Variants in ERCC6 observed in about 807,000 individuals in gnomAD.
The protein encoded by ERCC6 is DNA excision repair protein ERCC-6.
In ERCC6, 116 loss-of-function variants were observed where a neutral mutation model predicts 158.7. That is an observed-to-expected ratio of 0.73 (90% CI 0.63 to 0.85). ERCC6 has a LOEUF of 0.85. Among genes scored for constraint, ERCC6 ranks in the 40% least tolerant of loss-of-function variants. The pLI, the probability that ERCC6 is intolerant of heterozygous loss-of-function variation, is 0.00. For synonymous variants in ERCC6, 678 were observed against 659.3 expected, an observed-to-expected ratio of 1.03 and a Z score of -0.43; for missense variants, 1,698 against 1,799.4, an observed-to-expected ratio of 0.94 and a Z score of 1.02.
intron 5 of ERCC6, among the ~76,000 whole-genome samples, chr10:49,519,104 C>A (rs1837073752): frequency 6.6e-6 from 1 of 152,216 alleles, no homozygotes; most frequent in South Asian, 2.1e-4. Flanking sequence ...TCCAAATTCC[C>A]AGATTACAGG....
intron 7 of ERCC6, among the ~76,000 whole-genome samples, chr10:49,493,840 T>C (rs554764766): frequency 1.3e-5 from 2 of 152,306 alleles, no homozygotes; most frequent in East Asian, 3.9e-4. Context: ...TACACCACCC[T>C]GCCTGCTCCT....
At chr10:49,451,073 A>T (rs1490480000), downstream of ERCC6, among the ~76,000 whole-genome samples, 1 of 152,074 alleles carries the variant, frequency 6.6e-6, no homozygotes, top group East Asian at 1.9e-4. Context: ...GGCCTCCCAA[A>T]GTGCTGGGAT....
Position 49,482,671 on chromosome 10 carries a change from C to T in ERCC6, c.2169+16G>A, listed in dbSNP as rs375458461. 2.4e-5 allele frequency: 39 copies of T among 1,605,606 alleles called. No individual in the cohort carries two copies. Among genetic ancestry groups the T allele is most frequent in the Middle Eastern group, 3.3e-4 (2 of 6,058 alleles). ...AATATTAAAATGCCAAAAGTATTAT[C>T]ATCCTAATATTTTACCTGTACTGGG... is the stretch of plus-strand genomic sequence containing the variant. On this transcript the variant is annotated intron_variant, in intron 10 of 20. Coordinates refer to ENST00000355832, the MANE Select transcript of ERCC6 (RefSeq NM_000124.4).
chr10:49,436,881 A>T, the ERCC6 span, among the ~76,000 whole-genome samples: 1 of 152,242 alleles, frequency 6.6e-6, no homozygotes, highest in African/African-American at 2.4e-5. Flanking sequence ...CAGGTAAGAG[A>T]GAATAGATAA....
rs1053052627 is a variant in ERCC6 at position 49,457,518 on chromosome 10, T to C, written c.*1297A>G. The stretch of plus-strand genomic sequence containing the variant: ...CCAGAACCCTCCTCTCTGAGTCACA[T>C]GGATGAGCAGACAGAAGATCTGGAC... On this transcript the variant is annotated 3_prime_UTR_variant, in exon 21 of 21. Coordinates refer to ENST00000355832, the MANE Select transcript of ERCC6 (RefSeq NM_000124.4). 4 of 152,136 alleles carry C rather than the reference T, an allele frequency of 2.6e-5. No homozygotes were observed. The highest frequency in any genetic ancestry group is 5.9e-5 in the Non-Finnish European group (4 of 68,040). 9.4% of individuals were successfully genotyped at this position (152,136 alleles called of 1,614,324 possible). A position where few individuals can be genotyped will look rare whatever the true frequency, so the allele number is the denominator to read the frequency against.
At chr10:49,517,017 G>A in intron 5 of ERCC6, 3 of 1,613,938 alleles carry the variant, frequency 1.9e-6, no homozygotes, top group Non-Finnish European at 2.5e-6. Context: ...AGGTGCTGTA[G>A]CATTTTCAGG....
chr10:49,521,738 C>T (rs59898389), intron 5 of ERCC6, among the ~76,000 whole-genome samples: 28,619 of 152,098 alleles, frequency 0.19, 3,158 homozygotes, highest in South Asian at 0.35. Context: ...GGGGAATACA[C>T]GGTTTGAAAA....
chr10:49,515,670 C>T, intron 5 of ERCC6: 1 of 1,614,104 alleles, frequency 6.2e-7, no homozygotes, highest in Non-Finnish European at 8.5e-7. Context: ...GCTTGAATAC[C>T]ATTTCTTTCC....
intron 5 of ERCC6, among the ~76,000 whole-genome samples, chr10:49,513,109 G>A (rs1393367755): frequency 6.6e-6 from 1 of 152,124 alleles, no homozygotes; most frequent in African/African-American, 2.4e-5. Flanking sequence ...CTTACGGAGT[G>A]CCTGATGTAT....
chr10:49,506,770 A>T (rs2132583372), intron 5 of ERCC6, among the ~76,000 whole-genome samples: 1 of 152,166 alleles, frequency 6.6e-6, no homozygotes, highest in East Asian at 1.9e-4. Context: ...CTAATTTTGC[A>T]TTTACATAAC....
At chr10:49,483,258 A>G in intron 9 of ERCC6, 88 bp downstream of exon 9, 2 of 1,351,906 alleles carry the variant, frequency 1.5e-6, no homozygotes, top group South Asian at 1.2e-5. Flanking sequence ...GGAAAGATTC[A>G]ATAAATGTGT....
Position 49,483,553 on chromosome 10 carries a change from TAAG to T in ERCC6, c.1822-40_1822-38del. On this transcript the variant is annotated intron_variant, in intron 8 of 20. Coordinates refer to ENST00000355832, the MANE Select transcript of ERCC6 (RefSeq NM_000124.4). ...ATAAAATGGTAAAGTCAGTTTTAAA[TAAG>T]AAGTGACACCCTTTCAATCATGACA... The T allele has an allele frequency of 1.9e-6, 3 of 1,599,976 alleles. No individual in the cohort carries two copies. The South Asian group carries it at 3.3e-5, about 18-fold the overall frequency.
the ERCC6 span, among the ~76,000 whole-genome samples, chr10:49,441,498 C>T: frequency 1.3e-5 from 2 of 152,352 alleles, no homozygotes; most frequent in South Asian, 2.1e-4. Context: ...TCACTTTGCC[C>T]TCTTAGTAAA....
intron 20 of ERCC6, among the ~76,000 whole-genome samples, 199 bp from the exon 21 acceptor site, chr10:49,459,433 G>A (rs41547412): frequency 7.6e-4 from 116 of 151,952 alleles, no homozygotes; most frequent in Middle Eastern, 3.4e-3. Context: ...TTAAGAGACC[G>A]TTTCCTAAAA....
intron 16 of ERCC6, 62 bp from the exon 17 acceptor site, chr10:49,471,182 TATAAAGCAATATAAGAGAGAGATG>T (rs1469523529): frequency 2.6e-6 from 4 of 1,515,856 alleles, no homozygotes; most frequent in Non-Finnish European, 2.7e-6. Flanking sequence ...AAATTCAAGT[TATAAAGCAATATAAGAGAGAGATG>T]ATAACAGCTG....
downstream of ERCC6, among the ~76,000 whole-genome samples, chr10:49,450,468 C>T (rs1464894635): frequency 1.3e-5 from 2 of 152,144 alleles, no homozygotes; most frequent in Non-Finnish European, 2.9e-5. Flanking sequence ...TTCAGGATTT[C>T]TTTGGCTATT....
chr10:49,482,942 C>A (rs573799225), intron 9 of ERCC6, 79 bp from the exon 10 acceptor site: 1 of 1,438,066 alleles, frequency 7.0e-7, no homozygotes, highest in Non-Finnish European at 9.7e-7. Context: ...CGCTCCTCTG[C>A]AAATTATTTA....
At chr10:49,463,596 T>C (rs961807449) in intron 18 of ERCC6, among the ~76,000 whole-genome samples, 6 of 152,070 alleles carry the variant, frequency 3.9e-5, no homozygotes, top group African/African-American at 1.4e-4. Flanking sequence ...AAGAAACATA[T>C]AGTTCAGCTG....
At chr10:49,513,412 T>C (rs1836858681) in intron 5 of ERCC6, among the ~76,000 whole-genome samples, 2 of 152,208 alleles carry the variant, frequency 1.3e-5, no homozygotes, top group Admixed American at 6.5e-5. Context: ...CTGGGCACTA[T>C]TTTAAGTATT....
Sources: allele counts gnomAD v4.1 joint callset (sites outside exome capture counted in the v4.1 genomes callset), GRCh38; gene constraint gnomAD v4.1.1; transcripts MANE v1.5; gene names NCBI Gene and HGNC (gene_info 2026-07-23, HGNC 2026-07-21).